Variants in DIS3L2 observed in about 807,000 individuals in gnomAD.
The protein encoded by DIS3L2 is DIS3 like 3'-5' exoribonuclease 2.
In DIS3L2, 34 loss-of-function variants were observed where a neutral mutation model predicts 97.5. The ratio of observed to expected loss-of-function variants is 0.35; its 90% CI spans 0.27 to 0.46. DIS3L2 has a LOEUF of 0.46. Ranked by LOEUF, DIS3L2 falls within the 20% of genes least tolerant of loss-of-function variation. The pLI is 1.00. For synonymous variants in DIS3L2, 435 were observed against 445.2 expected (o/e 0.98, Z 0.29); for missense variants, 1,038 against 1,146.0 (o/e 0.91, Z 1.36).
intron 8 of DIS3L2, among the ~76,000 whole-genome samples, chr2:232,160,912 G>A (rs1690630607): frequency 6.6e-6 from 1 of 151,940 alleles, no homozygotes; most frequent in South Asian, 2.1e-4. Context: ...ATTCATTTTT[G>A]TTTGTTTGTT....
chr2:232,021,871 G>C (rs1435630369), intron 3 of DIS3L2, among the ~76,000 whole-genome samples: 1 of 152,186 alleles, frequency 6.6e-6, no homozygotes, highest in African/African-American at 2.4e-5. Context: ...GCACTCGAGA[G>C]AAGCAATCAC....
chr2:232,188,842 C>T (rs928586616), intron 9 of DIS3L2, among the ~76,000 whole-genome samples: 3 of 152,038 alleles, frequency 2.0e-5, no homozygotes, highest in Non-Finnish European at 4.4e-5. Flanking sequence ...AACCACATAT[C>T]CAACAAGAGA....
chr2:232,259,380 G>A (rs1693657901), intron 12 of DIS3L2, among the ~76,000 whole-genome samples: 1 of 152,116 alleles, frequency 6.6e-6, no homozygotes, highest in Non-Finnish European at 1.5e-5. Flanking sequence ...AGAGTGACAA[G>A]CTGCTGCTTT....
intron 13 of DIS3L2, among the ~76,000 whole-genome samples, chr2:232,290,208 C>G (rs1053162006): frequency 6.6e-6 from 1 of 152,274 alleles, no homozygotes; most frequent in Non-Finnish European, 1.5e-5. Context: ...GCTGCACTCT[C>G]TCTCCAGCTG....
rs187068174 is a variant in DIS3L2, at chr2:232,343,722, C to T, written c.*147C>T. On this transcript the variant is annotated 3_prime_UTR_variant, in exon 14 of 14. Transcript: ENST00000273009. ...TGATTTTGTGGAAAAGTCAGAGTTA[C>T]GGAGCTCGCCTCTGCATTCAGAAAC... 3.2e-4 allele frequency: 267 copies of T among 830,458 alleles called. No homozygotes were observed. The Admixed American group carries it at 4.2e-3, about 13-fold the overall frequency. The allele number at this position is 830,458 out of a possible 1,614,324, so 51.4% of individuals were successfully genotyped here. A position where few individuals can be genotyped will look rare whatever the true frequency, so the allele number is the denominator to read the frequency against.
chr2:232,014,754 A>G, intron 1 of DIS3L2, 81 bp from the exon 2 acceptor site: 3 of 580,172 alleles, frequency 5.2e-6, no homozygotes, highest in Non-Finnish European at 5.8e-6. Flanking sequence ...TGCCTTTGCC[A>G]TTGAACTACT....
At chr2:232,059,382 G>A (rs1695639693) in intron 5 of DIS3L2, among the ~76,000 whole-genome samples, 1 of 152,164 alleles carries the variant, frequency 6.6e-6, no homozygotes, top group Non-Finnish European at 1.5e-5. Context: ...CACAAGGCTC[G>A]CCATTGGCTT....
chr2:231,967,122 A>C (rs17271907), intron 1 of DIS3L2, among the ~76,000 whole-genome samples: 15,380 of 152,126 alleles, frequency 0.1, 886 homozygotes, highest in African/African-American at 0.16. Flanking sequence ...TGTGGTGCAA[A>C]GTACCTTGAA....
chr2:231,978,677 G>A (rs924830519), intron 1 of DIS3L2: 2 of 152,224 alleles, frequency 1.3e-5, no homozygotes, highest in Non-Finnish European at 2.9e-5. Context: ...CATTGCAGAG[G>A]AGCTCTTCAA....
At chr2:232,165,816 C>G (rs1425613044) in intron 9 of DIS3L2, among the ~76,000 whole-genome samples, 3 of 152,174 alleles carry the variant, frequency 2.0e-5, no homozygotes, top group African/African-American at 7.2e-5. Flanking sequence ...GCGTGAGCCA[C>G]CACACCTGGT....
intron 9 of DIS3L2, among the ~76,000 whole-genome samples, chr2:232,187,613 T>G (rs1037508758): frequency 6.6e-6 from 1 of 152,054 alleles, no homozygotes; most frequent in Non-Finnish European, 1.5e-5. Context: ...CAGCTATTTT[T>G]TGTATTTTTA....
intron 6 of DIS3L2, among the ~76,000 whole-genome samples, chr2:232,110,370 T>C (rs909313763): frequency 3.3e-5 from 5 of 152,174 alleles, no homozygotes; most frequent in Admixed American, 3.3e-4. Flanking sequence ...TATAAATCAT[T>C]CTGTTATGAA....
chr2:232,163,648 C>G lies in DIS3L2; in HGVS notation c.1124+16C>G, dbSNP rs1252931701. On this transcript the variant is annotated intron_variant, in intron 9 of 20. Transcript: ENST00000325385. The stretch of plus-strand genomic sequence containing the variant: ...GGGATTTAAGGTAAGCACCTGAAAC[C>G]CTTTAAGAACGTATATCTCCCTTTC... 6.2e-7 allele frequency: 1 copy of G among 1,609,692 alleles called. No individual in the cohort carries two copies. The highest frequency in any genetic ancestry group is 1.3e-5 in the African/African-American group (1 of 74,720).
chr2:232,202,412 G>GA (rs1358853686), intron 9 of DIS3L2, among the ~76,000 whole-genome samples: 2 of 151,698 alleles, frequency 1.3e-5, no homozygotes, highest in Non-Finnish European at 2.9e-5. Context: ...CAAACAAACA[G>GA]AAAAAAAACA....
Position 232,069,082 on chromosome 2 carries a change from G to C in DIS3L2, c.367-18405G>C, listed in dbSNP as rs982196363. Among the ~76,000 whole-genome samples the C allele has an allele frequency of 3.8e-4, 58 of 152,120 alleles. 1 individual carries two copies. The highest frequency in any genetic ancestry group is 3.8e-3 in the Admixed American group (58 of 15,284). ...TCTGCCCGCCTCAGCCTCCCAAAGTGCTGGGATTACATGCGTGAGCCACCG... is the reference window on the plus strand; with the variant it reads ...TCTGCCCGCCTCAGCCTCCCAAAGTCCTGGGATTACATGCGTGAGCCACCG... On this transcript the variant is annotated intron_variant, in intron 5 of 20. Coordinates refer to ENST00000325385, the MANE Select transcript of DIS3L2 (RefSeq NM_152383.5).
chr2:232,209,097 C>T (rs747201446), intron 9 of DIS3L2, among the ~76,000 whole-genome samples: 1 of 152,050 alleles, frequency 6.6e-6, no homozygotes, highest in Non-Finnish European at 1.5e-5. Context: ...AAAGCTATTA[C>T]AGAATTGATG....
At chr2:232,263,878 A>C (rs918749193) in intron 13 of DIS3L2, among the ~76,000 whole-genome samples, 1 of 152,208 alleles carries the variant, frequency 6.6e-6, no homozygotes, top group Admixed American at 6.5e-5. Context: ...CTTGGAAAAA[A>C]AGTATTTCTT....
At chr2:232,172,992 G>T (rs372083935) in intron 9 of DIS3L2, among the ~76,000 whole-genome samples, 1 of 152,116 alleles carries the variant, frequency 6.6e-6, no homozygotes, top group Non-Finnish European at 1.5e-5. Flanking sequence ...CCTTTCTATT[G>T]TTGAGCTATA....
chr2:231,990,089 G>GT (rs1693540522), intron 1 of DIS3L2, among the ~76,000 whole-genome samples: 1 of 151,936 alleles, frequency 6.6e-6, no homozygotes, highest in Non-Finnish European at 1.5e-5. Context: ...AACCCTTTGT[G>GT]TTTTCTTTCC....
Sources: allele counts gnomAD v4.1 joint callset (sites outside exome capture counted in the v4.1 genomes callset), GRCh38; gene constraint gnomAD v4.1.1; transcripts MANE v1.5; gene names NCBI Gene and HGNC (gene_info 2026-07-23, HGNC 2026-07-21).